Variants in PBXIP1 observed in about 807,000 individuals in gnomAD.
PBXIP1 encodes the protein PBX homeobox interacting protein 1.
In PBXIP1, 73 loss-of-function variants were observed where a neutral mutation model predicts 73.7. The observed-to-expected ratio is 0.99, with a 90% CI of 0.82 to 1.20. The LOEUF (loss-of-function observed/expected upper bound fraction) is 1.20. PBXIP1 is among the 50% of genes most tolerant of loss of function. PBXIP1 has a pLI of 0.00. For missense variants in PBXIP1, 818 were observed against 911.4 expected (o/e 0.90, Z 1.32); for synonymous variants, 330 against 366.9 (o/e 0.90, Z 1.15).
chr1:154,947,233 C>A (rs1461048853), intron 9 of PBXIP1, 184 bp downstream of exon 9: 3 of 680,282 alleles, frequency 4.4e-6, no homozygotes, highest in Non-Finnish European at 7.8e-6. Flanking sequence ...GTATGCCAGC[C>A]CTGGCCCAAA....
chr1:154,951,902 A>G lies in PBXIP1; in HGVS notation c.71T>C (p.Leu24Pro). The change falls in exon 3 of 11, where the codon CTG (leucine) becomes CCG (proline). Residue 24 changes from leucine to proline, a missense_variant. Coordinates refer to ENST00000368463, the MANE Select transcript of PBXIP1 (RefSeq NM_020524.4). This position sits in a 1 kb window ranked among gnomAD's most constrained non-coding sequence, Gnocchi z 4.3. ...TGGGTCCATCCTGGATGCCGGGCCC[A>G]GTGTCTCCACTGGCAGGCTCTGGGA... ...AGSESLPVETLGPASRMDPES... is the reference protein window; with the variant it reads ...AGSESLPVETPGPASRMDPES... 1 of 1,611,472 alleles carries G rather than the reference A, an allele frequency of 6.2e-7. No homozygotes were observed. Among genetic ancestry groups the G allele is most frequent in the Non-Finnish European group, 8.5e-7 (1 of 1,179,328 alleles).
intron 1 of PBXIP1, 49 bp from the exon 2 acceptor site, chr1:154,953,806 A>G: frequency 8.1e-7 from 1 of 1,230,320 alleles, no homozygotes; most frequent in Non-Finnish European, 1.2e-6. Context: ...CAGGAGGGGC[A>G]GAATGCAGAA....
chr1:154,954,050 G>C (rs1446362931), intron 1 of PBXIP1, among the ~76,000 whole-genome samples: 8 of 152,194 alleles, frequency 5.3e-5, no homozygotes, highest in Non-Finnish European at 7.3e-5. Context: ...AGGCTCTGGG[G>C]AATTCCAGTC....
At chr1:154,950,482 C>T (rs2101987078) in intron 5 of PBXIP1, 1 of 152,522 alleles carries the variant, frequency 6.6e-6, no homozygotes, top group East Asian at 1.9e-4. Context: ...GCACGAGCCA[C>T]CATGCCTGGC....
rs759188889 is a variant in PBXIP1, at chr1:154,953,741, G to C, written c.-20C>G. 1.9e-6 allele frequency: 3 copies of C among 1,610,496 alleles called. No homozygotes were observed. The East Asian group carries it at 6.7e-5, about 36-fold the overall frequency. On this transcript the variant is annotated 5_prime_UTR_variant, in exon 2 of 11. Transcript: ENST00000368463. ...GGCCATAGTTGCTGAGGTCCCTGAG[G>C]CTGCTGTGGCTGCCACCTGCAGAAG...
chr1:154,947,886 G>T, intron 7 of PBXIP1, 96 bp downstream of exon 7: 1 of 1,434,016 alleles, frequency 7.0e-7, no homozygotes, highest in Non-Finnish European at 9.8e-7. Context: ...CACTAACTGA[G>T]AAATAAATGT....
In PBXIP1 at chr1:154,945,611, A is replaced by G; in HGVS notation, c.2063T>C (p.Ile688Thr). ...DDEVDDFEDF[I>T]FSHFFGDKAL... The stretch of plus-strand genomic sequence containing the variant: ...TTTGTCTCCAAAGAAGTGGCTGAAG[A>G]TGAAGTCCTCAAAGTCATCTACTTC... Residue 688 changes from isoleucine to threonine, a missense_variant, in exon 10 of 11, where the codon ATC (isoleucine) becomes ACC (threonine). Transcript: ENST00000368463. 5.0e-6 allele frequency: 8 copies of G among 1,614,090 alleles called. No individual in the cohort carries two copies. Among genetic ancestry groups the G allele is most frequent in the Non-Finnish European group, 6.8e-6 (8 of 1,179,942 alleles).
chr1:154,954,892 C>A, intron 1 of PBXIP1: 1 of 792,618 alleles, frequency 1.3e-6, no homozygotes, highest in Non-Finnish European at 1.5e-6. Flanking sequence ...GACTGCTTCC[C>A]GAGCACTTTA....
chr1:154,946,876 A>C, intron 9 of PBXIP1, 73 bp from the exon 10 acceptor site: 3 of 1,395,678 alleles, frequency 2.1e-6, no homozygotes, highest in Non-Finnish European at 2.9e-6. Context: ...TTCTACCCCA[A>C]TTCCATTCTA....
chr1:154,949,242 T>C (rs1654931789), intron 5 of PBXIP1, among the ~76,000 whole-genome samples: 1 of 152,100 alleles, frequency 6.6e-6, no homozygotes, highest in Non-Finnish European at 1.5e-5. Flanking sequence ...CACAACTCAC[T>C]GTAACCTCCA....
At chr1:154,949,272 C>A (rs1654932611) in intron 5 of PBXIP1, among the ~76,000 whole-genome samples, 1 of 151,946 alleles carries the variant, frequency 6.6e-6, no homozygotes, top group Non-Finnish European at 1.5e-5. Flanking sequence ...CTCAAGCGAT[C>A]CTCCCACCTC....
At position 154,946,495 on chromosome 1, in the gene PBXIP1, T is replaced by C. The variant is rs1228133466; in HGVS notation, c.1179A>G (p.Ala393=). 6.2e-7 allele frequency: 1 copy of C among 1,609,568 alleles called. No individual in the cohort carries two copies. ...QKEQLEAEAQ[A]LRQELERQRR... Reference sequence around the variant, plus strand: ...GCTGCCTCTCTAACTCTTGCCTTAATGCCTGTGCCTCAGCCTCCAGCTGTT... The same window carrying C: ...GCTGCCTCTCTAACTCTTGCCTTAACGCCTGTGCCTCAGCCTCCAGCTGTT... Residue 393 remains alanine (A), a synonymous_variant, in exon 10 of 11, where the codon GCA becomes GCG. Coordinates refer to ENST00000368463, the MANE Select transcript of PBXIP1 (RefSeq NM_020524.4).
At chr1:154,947,746 A>T (rs991991432) in intron 7 of PBXIP1, 34 bp from the exon 8 acceptor site, 6 of 1,594,116 alleles carry the variant, frequency 3.8e-6, no homozygotes, top group Admixed American at 1.7e-5. Flanking sequence ...ACTGGTCCTG[A>T]GGCACACAGA....
chr1:154,951,992 C>T lies in PBXIP1; in HGVS notation c.52-71G>A. The T allele has an allele frequency of 6.6e-7, 1 of 1,524,646 alleles. No homozygotes were observed. The highest frequency in any genetic ancestry group is 1.2e-5 in the South Asian group (1 of 80,100). 94.4% of individuals were successfully genotyped at this position (1,524,646 alleles called of 1,614,324 possible). A position where few individuals can be genotyped will look rare whatever the true frequency, so the allele number is the denominator to read the frequency against. ...CCCCAGCCCACATCCCAGAAACACA[C>T]ACATTCAGTCATGAGCTGGCCCAAA... On this transcript the variant is annotated intron_variant, in intron 2 of 10. Coordinates refer to ENST00000368463, the MANE Select transcript of PBXIP1 (RefSeq NM_020524.4). This position sits in a 1 kb window ranked among gnomAD's most constrained non-coding sequence, Gnocchi z 4.3.
Position 154,948,336 on chromosome 1 carries a change from C to G in PBXIP1, c.440G>C (p.Ser147Thr), listed in dbSNP as rs759967790. The stretch of plus-strand genomic sequence containing the variant: ...GTCCACGTCGGTGTCATCGTCACTG[C>G]TGGAGCAGCGGCCCTCCTCCCTGAT... ...AWIREEGRCS[S>T]SDDDTDVDME... The change falls in exon 6 of 11, where the codon AGC becomes ACC. Residue 147 changes from serine to threonine, a missense_variant. By Grantham distance (58) the Ser-to-Thr change is moderately conservative. Transcript: ENST00000368463. The G allele has an allele frequency of 2.9e-5, 47 of 1,604,860 alleles. No individual in the cohort carries two copies. The highest frequency in any genetic ancestry group is 3.2e-5 in the Non-Finnish European group (38 of 1,175,940).
In PBXIP1 at chr1:154,945,820, C is replaced by T. The variant is rs1654787616; in HGVS notation, c.1854G>A (p.Leu618=). The T allele has an allele frequency of 5.0e-6, 8 of 1,614,198 alleles. No homozygotes were observed. The highest frequency in any genetic ancestry group is 6.8e-6 in the Non-Finnish European group (8 of 1,180,042). The part of the protein sequence containing the change: ...APVRQQELAS[L]LRTYLARLPW... ...GCAGCCGTGCCAAGTATGTTCTTAG[C>T]AGAGAGGCCAGCTCCTGTTGCCGCA... The change falls in exon 10 of 11, where the codon CTG becomes CTA. Residue 618 remains leucine (L), a synonymous_variant. Coordinates refer to ENST00000368463, the MANE Select transcript of PBXIP1 (RefSeq NM_020524.4).
In PBXIP1 at chr1:154,947,467, T is replaced by C; in HGVS notation, c.820A>G (p.Lys274Glu). The C allele has an allele frequency of 6.2e-7, 1 of 1,613,914 alleles. No individual in the cohort carries two copies. Among genetic ancestry groups the C allele is most frequent in the Non-Finnish European group, 8.5e-7 (1 of 1,179,918 alleles). ...ATGTCCTGGTTCTCCTTGGCCAGCTTGTCCAGCAGAAGACCCATGTTTTGC... is the reference window on the plus strand; with the variant it reads ...ATGTCCTGGTTCTCCTTGGCCAGCTCGTCCAGCAGAAGACCCATGTTTTGC... ...SLQNMGLLLDKLAKENQDIRL... is the reference protein window; with the variant it reads ...SLQNMGLLLDELAKENQDIRL... Residue 274 changes from lysine to glutamate, a missense_variant, in exon 9 of 11, where the codon AAG becomes GAG. Coordinates refer to ENST00000368463, the MANE Select transcript of PBXIP1 (RefSeq NM_020524.4).
At chr1:154,952,014 C>T in intron 2 of PBXIP1, 93 bp from the exon 3 acceptor site, 1 of 1,385,984 alleles carries the variant, frequency 7.2e-7, no homozygotes. Context: ...TGAGCTGGCC[C>T]AAAAAGGGGC....
Position 154,951,936 on chromosome 1 carries a change from G to A in PBXIP1, c.52-15C>T. 2 of 1,600,390 alleles carry A rather than the reference G, an allele frequency of 1.2e-6. No individual in the cohort carries two copies. The highest frequency in any genetic ancestry group is 1.7e-6 in the Non-Finnish European group (2 of 1,176,384). Reference sequence around the variant, plus strand: ...ACTGGCAGGCTCTGGGAGGAGAAGTGCAAGGAGAAGGGCTGCACCCAAGAA... The same window carrying A: ...ACTGGCAGGCTCTGGGAGGAGAAGTACAAGGAGAAGGGCTGCACCCAAGAA... On this transcript the variant is annotated splice_polypyrimidine_tract_variant and intron_variant, in intron 2 of 10. Coordinates refer to ENST00000368463, the MANE Select transcript of PBXIP1 (RefSeq NM_020524.4). This position sits in a 1 kb window ranked among gnomAD's most constrained non-coding sequence, Gnocchi z 4.3.
Sources: allele counts gnomAD v4.1 joint callset (sites outside exome capture counted in the v4.1 genomes callset), GRCh38; gene constraint gnomAD v4.1.1; non-coding constraint Gnocchi (gnomAD v3.1); transcripts MANE v1.5; gene names NCBI Gene and HGNC (gene_info 2026-07-23, HGNC 2026-07-21).